Variants in TRIM2 observed in about 807,000 individuals in gnomAD.
TRIM2 encodes the protein tripartite motif-containing protein 2.
Under a neutral mutation model 75.2 loss-of-function variants are expected in TRIM2, and 20 were observed. The ratio of observed to expected loss-of-function variants is 0.27; its 90% CI spans 0.19 to 0.39. The LOEUF (loss-of-function observed/expected upper bound fraction) is 0.39, where lower values mean the gene tolerates loss of function less well. TRIM2 is among the 10% of genes least tolerant of loss of function. TRIM2 has a pLI of 1.00. For synonymous variants in TRIM2, 373 were observed against 388.3 expected, an observed-to-expected ratio of 0.96 and a Z score of 0.46; for missense variants, 660 against 990.8, an observed-to-expected ratio of 0.67 and a Z score of 4.48.
At chr4:153,294,257 T>G in intron 4 of TRIM2, 48 bp from the exon 5 acceptor site, 5 of 1,581,344 alleles carry the variant, frequency 3.2e-6, no homozygotes, top group Non-Finnish European at 4.3e-6. Context: ...GATTTTGGAA[T>G]ATTTCTGGGT....
chr4:153,246,358 A>G (rs577349961), intron 1 of TRIM2, among the ~76,000 whole-genome samples: 1 of 152,308 alleles, frequency 6.6e-6, no homozygotes, highest in Non-Finnish European at 1.5e-5. Context: ...TTGTACCCAC[A>G]TTTGTCTGAT....
intron 1 of TRIM2, chr4:153,257,726 T>C (rs1752420911): frequency 3.0e-6 from 2 of 664,952 alleles, no homozygotes; most frequent in South Asian, 3.0e-5. Context: ...GAGGATTTAA[T>C]TCTTTGCCTC....
intron 1 of TRIM2, among the ~76,000 whole-genome samples, chr4:153,221,808 AAGGG>A (rs147852477): frequency 3.0e-5 from 3 of 100,078 alleles, no homozygotes; most frequent in Non-Finnish European, 5.6e-5. Context: ...GCGAGGAAGG[AAGGG>A]AGGGAGGGAG....
At chr4:153,328,807 G>A (rs1166597989) in intron 11 of TRIM2, 137 bp downstream of exon 11, 1 of 972,898 alleles carries the variant, frequency 1.0e-6, no homozygotes, top group Non-Finnish European at 1.4e-6. Flanking sequence ...TCACCAGAAG[G>A]ACCAAACTCA....
At chr4:153,294,535 G>A (rs201902513) in intron 5 of TRIM2, 50 bp downstream of exon 5, 1 of 1,579,470 alleles carries the variant, frequency 6.3e-7, no homozygotes, top group East Asian at 2.3e-5. Flanking sequence ...GATATCCAAG[G>A]GCACTAGCTT....
At chr4:153,247,677 CA>C (rs1183914263) in intron 1 of TRIM2, among the ~76,000 whole-genome samples, 1,590 of 79,434 alleles carry the variant, frequency 0.02, 5 homozygotes, top group African/African-American at 0.022. Flanking sequence ...GACTCTGTCT[CA>C]AAAAAAAAAA....
At chr4:153,176,837 C>T (rs1030762255) in intron 1 of TRIM2, among the ~76,000 whole-genome samples, 2 of 152,162 alleles carry the variant, frequency 1.3e-5, no homozygotes, top group Non-Finnish European at 2.9e-5. Context: ...TCTCGAACTC[C>T]TGACCTCAGG....
chr4:153,312,793 T>G lies in TRIM2; in HGVS notation c.1511-2692T>G, dbSNP rs189778609. On this transcript the variant is annotated intron_variant, in intron 6 of 11. Transcript: ENST00000338700. ...TGCGGCACTATTCACAACAGCAAAG[T>G]TTTTATTCTTAAGAGACCCTGGCTT... Among the ~76,000 whole-genome samples, 358 of 152,156 alleles carry G rather than the reference T, an allele frequency of 2.4e-3. 4 individuals carry two copies. Among genetic ancestry groups the G allele is most frequent in the Non-Finnish European group, 7.9e-4 (54 of 68,016 alleles).
At chr4:153,328,282 G>A (rs537776760) in intron 10 of TRIM2, among the ~76,000 whole-genome samples, 34 of 152,098 alleles carry the variant, frequency 2.2e-4, no homozygotes, top group African/African-American at 7.2e-4. Context: ...ATTCACATAA[G>A]GATTTAATAA....
intron 3 of TRIM2, among the ~76,000 whole-genome samples, chr4:153,278,240 A>G (rs1415438425): frequency 6.6e-6 from 1 of 152,046 alleles, no homozygotes; most frequent in South Asian, 2.1e-4. Flanking sequence ...CCTCTGCCCC[A>G]GTATCTGGGA....
chr4:153,304,218 A>G (rs1477805774), intron 6 of TRIM2, among the ~76,000 whole-genome samples: 2 of 151,918 alleles, frequency 1.3e-5, no homozygotes, highest in Admixed American at 1.3e-4. Context: ...GGTTCAAGTG[A>G]TTCTCTTGCC....
intron 6 of TRIM2, among the ~76,000 whole-genome samples, chr4:153,311,190 GA>G (rs1027823434): frequency 1.3e-5 from 2 of 151,990 alleles, no homozygotes; most frequent in Non-Finnish European, 2.9e-5. Flanking sequence ...TACTCACACT[GA>G]AAAAACGTGT....
In TRIM2 at chr4:153,295,872, T is replaced by A. The variant is rs748092770; in HGVS notation, c.1346T>A (p.Ile449Asn). ...GGCAGCCCGTTTAAGCTGAAAGTGA[T>A]CCGATCCGCTGATGTGTCTCCCACC... ...IRGSPFKLKV[I>N]RSADVSPTTE... The change falls in exon 6 of 12, where the codon ATC becomes AAC. Residue 449 changes from isoleucine to asparagine, a missense_variant. Physicochemically the swap from Ile to Asn is moderately radical, Grantham distance 149. Transcript: ENST00000338700. This position sits in a 1 kb window ranked among gnomAD's most constrained non-coding sequence, Gnocchi z 7.2. The A allele has an allele frequency of 6.2e-7, 1 of 1,613,838 alleles. No homozygotes were observed. Among genetic ancestry groups the A allele is most frequent in the Non-Finnish European group, 8.5e-7 (1 of 1,179,986 alleles).
intron 6 of TRIM2, among the ~76,000 whole-genome samples, chr4:153,298,743 C>CTTTTT (rs1339341309): frequency 6.6e-6 from 1 of 152,024 alleles, no homozygotes; most frequent in East Asian, 1.9e-4. Context: ...TATTTCTTTT[C>CTTTTT]TTGTTATTGA....
chr4:153,294,492 C>T lies in TRIM2; in HGVS notation c.786+7C>T. 1 of 1,611,938 alleles carries T rather than the reference C, an allele frequency of 6.2e-7. No individual in the cohort carries two copies. Among genetic ancestry groups the T allele is most frequent in the Non-Finnish European group, 8.5e-7 (1 of 1,178,626 alleles). Reference sequence around the variant, plus strand: ...CTATGGCCTCAAACACAAAGTAAGACCAGAATCATTACAGATGTCCTGGAA... The same window carrying T: ...CTATGGCCTCAAACACAAAGTAAGATCAGAATCATTACAGATGTCCTGGAA... On this transcript the variant is annotated splice_region_variant and intron_variant, in intron 5 of 11. Coordinates refer to ENST00000338700, the MANE Select transcript of TRIM2 (RefSeq NM_015271.5).
chr4:153,159,893 G>A (rs1431144622), intron 1 of TRIM2, among the ~76,000 whole-genome samples: 1 of 152,106 alleles, frequency 6.6e-6, no homozygotes, highest in East Asian at 1.9e-4. Context: ...AAAAAATTCA[G>A]TACTTGAAAA....
At chr4:153,300,668 G>A (rs1763703762) in intron 6 of TRIM2, among the ~76,000 whole-genome samples, 1 of 152,064 alleles carries the variant, frequency 6.6e-6, no homozygotes, top group East Asian at 1.9e-4. Context: ...GAGACTACAG[G>A]CACGCACTAG....
At position 153,240,683 on chromosome 4, in the gene TRIM2, A is replaced by G. The variant is rs531471911; in HGVS notation, c.31-29652A>G. On this transcript the variant is annotated intron_variant, in intron 1 of 11. Coordinates refer to ENST00000338700, the MANE Select transcript of TRIM2 (RefSeq NM_015271.5). The stretch of plus-strand genomic sequence containing the variant: ...TTTAAACAGTTGTTTTAATTTTATT[A>G]CTTCCAGTATTTGCATGTATCCAAT... 1.3e-3 allele frequency among the ~76,000 whole-genome samples: 193 copies of G among 152,338 alleles called. 1 individual carries two copies. In the South Asian group the frequency reaches 0.023, roughly 18 times the overall value.
rs1259934473 is a variant in TRIM2 at position 153,315,494 on chromosome 4, G to A, written c.1520G>A (p.Gly507Glu). 6.3e-7 allele frequency: 1 copy of A among 1,599,326 alleles called. No individual in the cohort carries two copies. ...TTATCATTTATTTTAGGTACCAAAG[G>A]AAGAAATAAAGGAGAGTTTACAAAT... is the stretch of plus-strand genomic sequence containing the variant. ...DDLIFRVGTK[G>E]RNKGEFTNLQ... The change falls in exon 7 of 12, where the codon GGA becomes GAA. Residue 507 changes from glycine (G) to glutamate (E), a missense_variant. By Grantham distance (98) the Gly-to-Glu change is moderately conservative. Coordinates refer to ENST00000338700, the MANE Select transcript of TRIM2 (RefSeq NM_015271.5).
Sources: allele counts gnomAD v4.1 joint callset (sites outside exome capture counted in the v4.1 genomes callset), GRCh38; gene constraint gnomAD v4.1.1; non-coding constraint Gnocchi (gnomAD v3.1); transcripts MANE v1.5; gene names NCBI Gene and HGNC (gene_info 2026-07-23, HGNC 2026-07-21).